CNTN2: variants seen among roughly 807,000 people sequenced by gnomAD.
CNTN2 encodes contactin 2, also known as contactin-2.
A neutral mutation model predicts 117.5 loss-of-function variants in CNTN2; 53 were observed. The ratio of observed to expected loss-of-function variants is 0.45; its 90% CI spans 0.36 to 0.57. The LOEUF is 0.57. Ranked by LOEUF, CNTN2 falls within the 20% of genes least tolerant of loss-of-function variation. The probability of loss-of-function intolerance (pLI) is 0.00; values close to 1 mark genes in which losing one functional copy is unlikely to be tolerated. For synonymous variants in CNTN2, 530 were observed against 561.7 expected (o/e 0.94, Z 0.80); for missense variants, 1,106 against 1,404.3 (o/e 0.79, Z 3.39).
intron 1 of CNTN2, among the ~76,000 whole-genome samples, chr1:205,043,703 C>T (rs1574622369): frequency 1.3e-5 from 2 of 152,164 alleles, no homozygotes; most frequent in Non-Finnish European, 2.9e-5. Context: ...GTGGCAGCTG[C>T]CTGTGGAGAG....
At position 205,066,470 on chromosome 1, in the gene CNTN2, G is replaced by T; in HGVS notation, c.1846G>T (p.Val616Leu). ...GPPGPPGGVV[V>L]RDIGDTTIQL... ...GCCAGGTCCCCCAGGAGGTGTGGTG[G>T]TGAGGGACATTGGCGACACCACCAT... Residue 616 changes from valine to leucine, a missense_variant, in exon 15 of 23, where the codon GTG becomes TTG. Val to Leu is a conservative substitution (Grantham distance 32, BLOSUM62 1). Transcript: ENST00000331830. The T allele has an allele frequency of 6.2e-7, 1 of 1,614,082 alleles. No individual in the cohort carries two copies. Among genetic ancestry groups the T allele is most frequent in the Non-Finnish European group, 8.5e-7 (1 of 1,180,040 alleles).
At chr1:205,044,093 C>A (rs566522462) in intron 1 of CNTN2, among the ~76,000 whole-genome samples, 5 of 152,088 alleles carry the variant, frequency 3.3e-5, no homozygotes, top group Admixed American at 3.3e-4. Flanking sequence ...TCAAATCCCT[C>A]CCCCCCATCC....
Position 205,077,743 on chromosome 1 carries a change from G to A in CNTN2, c.*3978G>A, listed in dbSNP as rs1342827424. On this transcript the variant is annotated 3_prime_UTR_variant, in exon 23 of 23. Transcript: ENST00000331830. ...CAGCCTTTGGGGCCTATGACACTTA[G>A]TGCCCTTAGATGGGATACATCTTGC... 1 of 152,220 alleles carries A rather than the reference G, an allele frequency of 6.6e-6. No homozygotes were observed. Among genetic ancestry groups the A allele is most frequent in the Non-Finnish European group, 1.5e-5 (1 of 68,086 alleles). 9.4% of individuals were successfully genotyped at this position (152,220 alleles called of 1,614,324 possible).
chr1:205,070,509 G>A lies in CNTN2; in HGVS notation c.2515G>A (p.Asp839Asn). The A allele has an allele frequency of 1.9e-6, 3 of 1,613,956 alleles. No homozygotes were observed. The highest frequency in any genetic ancestry group is 2.5e-6 in the Non-Finnish European group (3 of 1,179,926). The stretch of plus-strand genomic sequence containing the variant: ...CGTGACCTGGGAACCCGTGCAGCAG[G>A]ACATGAATGGTATCCTCCTGGGGTA... ...MNVTWEPVQQ[D>N]MNGILLGYEI... Residue 839 changes from aspartate to asparagine, a missense_variant, in exon 19 of 23, where the codon GAC becomes AAC. Coordinates refer to ENST00000331830, the MANE Select transcript of CNTN2 (RefSeq NM_005076.5).
intron 1 of CNTN2, among the ~76,000 whole-genome samples, chr1:205,051,491 G>A (rs2096452797): frequency 6.6e-6 from 1 of 152,176 alleles, no homozygotes; most frequent in South Asian, 2.1e-4. Context: ...AAGTCGAACT[G>A]AGAGTGGCAA....
At chr1:205,060,851 G>T (rs1212040961) in intron 7 of CNTN2, 1 of 196,392 alleles carries the variant, frequency 5.1e-6, no homozygotes, top group Non-Finnish European at 1.0e-5. Flanking sequence ...TAGGGGCAAG[G>T]CCTGCCCTGT....
At chr1:205,067,762 A>G (rs1654372245) in intron 16 of CNTN2, 1 of 152,702 alleles carries the variant, frequency 6.5e-6, no homozygotes, top group African/African-American at 2.4e-5. Context: ...CCCCGTCTCT[A>G]CTAAAAATAC....
chr1:205,053,304 G>A (rs371669357), intron 2 of CNTN2, 49 bp downstream of exon 2: 35 of 1,459,030 alleles, frequency 2.4e-5, no homozygotes, highest in Non-Finnish European at 3.3e-5. Context: ...TGATTATAGT[G>A]TTATATCCTT....
In CNTN2 at chr1:205,065,035, C is replaced by A; in HGVS notation, c.1520-52C>A. 6.3e-7 allele frequency: 1 copy of A among 1,589,894 alleles called. No homozygotes were observed. The highest frequency in any genetic ancestry group is 8.6e-7 in the Non-Finnish European group (1 of 1,162,916). The stretch of plus-strand genomic sequence containing the variant: ...CTCTCAGCCTGCCCTGCGGACCCGG[C>A]CTGGGCCCATTTCCTCCCCCATCCA... On this transcript the variant is annotated intron_variant, in intron 12 of 22. Transcript: ENST00000331830. This position sits in a 1 kb window ranked among gnomAD's most constrained non-coding sequence, Gnocchi z 4.1.
chr1:205,071,532 G>A (rs930453904), intron 19 of CNTN2, among the ~76,000 whole-genome samples: 3 of 152,214 alleles, frequency 2.0e-5, no homozygotes, highest in Non-Finnish European at 4.4e-5. Context: ...TGATTACCAT[G>A]AAAATGGGTT....
intron 1 of CNTN2, among the ~76,000 whole-genome samples, chr1:205,046,753 C>A (rs921983257): frequency 1.3e-5 from 2 of 152,158 alleles, no homozygotes; most frequent in African/African-American, 4.8e-5. Context: ...ATTGTTCTTA[C>A]GCCTGGCATC....
rs567339490 is a variant in CNTN2 at position 205,074,128 on chromosome 1, G to T, written c.*363G>T. On this transcript the variant is annotated 3_prime_UTR_variant, in exon 23 of 23. Transcript: ENST00000331830. ...CCCTCTGGGACCCTATACGGACTCC[G>T]CCACTTGAGAGCAGTCCTAGGCCCG... 2 of 512,694 alleles carry T rather than the reference G, an allele frequency of 3.9e-6. No individual in the cohort carries two copies. The highest frequency in any genetic ancestry group is 6.9e-6 in the Non-Finnish European group (2 of 290,830). 31.8% of individuals were successfully genotyped at this position (512,694 alleles called of 1,614,324 possible).
At position 205,048,271 on chromosome 1, in the gene CNTN2, G is replaced by A. The variant is rs766831345; in HGVS notation, c.-86-4829G>A. ...TAGGGAGAACTCTGGGGTGGAGGGT[G>A]TACCTTTTATTTTTTGACTGGCTCC... On this transcript the variant is annotated intron_variant, in intron 1 of 22. Coordinates refer to ENST00000331830, the MANE Select transcript of CNTN2 (RefSeq NM_005076.5). This position sits in a 1 kb window ranked among gnomAD's most constrained non-coding sequence, Gnocchi z 4.1. 2.0e-5 allele frequency among the ~76,000 whole-genome samples: 3 copies of A among 152,172 alleles called. No individual in the cohort carries two copies. Among genetic ancestry groups the A allele is most frequent in the Non-Finnish European group, 4.4e-5 (3 of 68,024 alleles).
chr1:205,053,221 G>T lies in CNTN2; in HGVS notation c.36G>T (p.Leu12=). The T allele has an allele frequency of 6.2e-7, 1 of 1,613,054 alleles. No individual in the cohort carries two copies. Residue 12 remains leucine, a synonymous_variant, in exon 2 of 23, where the codon CTG becomes CTT. Coordinates refer to ENST00000331830, the MANE Select transcript of CNTN2 (RefSeq NM_005076.5). The part of the protein sequence containing the change: ...GTATRRKPHL[L]LVAAVALVSS... The stretch of plus-strand genomic sequence containing the variant: ...CCACCAGGAGGAAGCCACACCTGCT[G>T]CTGGTAGCTGCTGTGGCCCTTGTCT...
intron 15 of CNTN2, among the ~76,000 whole-genome samples, chr1:205,066,819 G>A (rs983997823): frequency 3.3e-5 from 5 of 152,130 alleles, no homozygotes; most frequent in African/African-American, 7.2e-5. Flanking sequence ...AAGAGGAGGC[G>A]CTTGGTCTAT....
chr1:205,065,961 G>A lies in CNTN2; in HGVS notation c.1816+52G>A, dbSNP rs1654268137. 4 of 1,560,782 alleles carry A rather than the reference G, an allele frequency of 2.6e-6. No homozygotes were observed. The highest frequency in any genetic ancestry group is 1.8e-5 in the Admixed American group (1 of 54,810). On this transcript the variant is annotated intron_variant, in intron 14 of 22. Transcript: ENST00000331830. This position sits in a 1 kb window ranked among gnomAD's most constrained non-coding sequence, Gnocchi z 4.1. ...ACCCCAACTCCCTTAAAACCCAGCTGGGCTGTTCTGACCTGCTCGCCTCAT... is the reference window on the plus strand; with the variant it reads ...ACCCCAACTCCCTTAAAACCCAGCTAGGCTGTTCTGACCTGCTCGCCTCAT...
At position 205,061,246 on chromosome 1, in the gene CNTN2, C is replaced by T; in HGVS notation, c.799C>T (p.Pro267Ser). ...CTCTGGCTTTGTCTCTCCTGCCAGC[C>T]CTGTCCCCCGGATCAAGTGGCGCAA... ...VTLECFAFGN[P>S]VPRIKWRKVD... The change falls in exon 8 of 23, where the codon CCT (proline) becomes TCT (serine). Residue 267 changes from proline (P) to serine (S), a missense_variant and splice_region_variant. By Grantham distance (74) the Pro-to-Ser change is moderately conservative (BLOSUM62 -1). Coordinates refer to ENST00000331830, the MANE Select transcript of CNTN2 (RefSeq NM_005076.5). The surrounding 1 kb of genome is among the most constrained non-coding windows in gnomAD (Gnocchi z 4.8). 1 of 1,606,774 alleles carries T rather than the reference C, an allele frequency of 6.2e-7. No homozygotes were observed. The highest frequency in any genetic ancestry group is 1.3e-5 in the African/African-American group (1 of 74,902).
Position 205,073,809 on chromosome 1 carries a change from G to C in CNTN2, c.*44G>C. ...TGCGCCGCAGCTGGACGCCACCTCC[G>C]ACGGACACAGCCAGCCCCTTCCTGC... On this transcript the variant is annotated 3_prime_UTR_variant, in exon 23 of 23. Transcript: ENST00000331830. The surrounding 1 kb of genome is among the most constrained non-coding windows in gnomAD (Gnocchi z 6.3). The C allele has an allele frequency of 6.5e-7, 1 of 1,529,904 alleles. No homozygotes were observed. Among genetic ancestry groups the C allele is most frequent in the South Asian group, 1.1e-5 (1 of 88,216 alleles). The allele number at this position is 1,529,904 out of a possible 1,614,324, so 94.8% of individuals were successfully genotyped here. A position where few individuals can be genotyped will look rare whatever the true frequency, so the allele number is the denominator to read the frequency against.
intron 1 of CNTN2, among the ~76,000 whole-genome samples, chr1:205,044,442 G>T (rs1312258143): frequency 6.7e-6 from 1 of 149,798 alleles, no homozygotes; most frequent in Non-Finnish European, 1.5e-5. Flanking sequence ...GACCCCTGGG[G>T]GTTGAGCCTG....
Sources: gnomAD v4.1 joint callset for allele counts (sites outside exome capture counted in the v4.1 genomes callset) on GRCh38, gnomAD v4.1.1 for gene constraint, Gnocchi (gnomAD v3.1) non-coding constraint, MANE v1.5 for transcripts, NCBI Gene and HGNC (gene_info 2026-07-23, HGNC 2026-07-21) for gene names.